Variants in ARHGEF3 observed in about 807,000 individuals in gnomAD.
The protein encoded by ARHGEF3 is Rho guanine nucleotide exchange factor 3, also known as 59.8 kDA protein.
ARHGEF3 carries 28 observed loss-of-function variants against 63.2 expected under a neutral mutation model. The observed-to-expected ratio is 0.44, with a 90% confidence interval of 0.33 to 0.61. ARHGEF3 has a LOEUF of 0.61. Ranked by LOEUF, ARHGEF3 falls within the 20% of genes least tolerant of loss-of-function variation. The pLI, the probability that ARHGEF3 is intolerant of heterozygous loss-of-function variation, is 0.03. For synonymous variants in ARHGEF3, 266 were observed against 254.2 expected (o/e 1.05, Z -0.44); for missense variants, 533 against 659.3 (o/e 0.81, Z 2.10).
intron 3 of ARHGEF3, 83 bp from the exon 4 acceptor site, chr3:56,753,649 A>G: frequency 8.3e-7 from 1 of 1,202,054 alleles, no homozygotes; most frequent in Non-Finnish European, 1.2e-6. Context: ...CCACCACTCA[A>G]AACCCCAAAT....
Position 56,814,464 on chromosome 3 carries a change from A to G in ARHGEF3, c.193-40648T>C, listed in dbSNP as rs929059915. Among the ~76,000 whole-genome samples, 7 of 152,214 alleles carry G rather than the reference A, an allele frequency of 4.6e-5. No homozygotes were observed. In the East Asian group the frequency reaches 1.3e-3, roughly 29 times the overall value. On this transcript the variant is annotated intron_variant, in intron 4 of 12. Transcript: ENST00000338458. Reference sequence around the variant, plus strand: ...AATACCAAGTTTTCACTTGCCAACTATATGACTTTGGACAGTTTACTTAAT... The same window carrying G: ...AATACCAAGTTTTCACTTGCCAACTGTATGACTTTGGACAGTTTACTTAAT...
intron 4 of ARHGEF3, among the ~76,000 whole-genome samples, chr3:56,841,462 C>A (rs1300173276): frequency 6.6e-6 from 1 of 152,182 alleles, no homozygotes; most frequent in Non-Finnish European, 1.5e-5. Flanking sequence ...ACAGCTCACA[C>A]TCCCACTTTC....
At chr3:56,843,514 G>T (rs2039385605) in intron 4 of ARHGEF3, among the ~76,000 whole-genome samples, 1 of 151,900 alleles carries the variant, frequency 6.6e-6, no homozygotes, top group Non-Finnish European at 1.5e-5. Flanking sequence ...TGATCTACCT[G>T]CCTTGGCCTC....
chr3:56,793,139 G>T (rs1242953544), intron 1 of ARHGEF3, among the ~76,000 whole-genome samples: 2 of 151,788 alleles, frequency 1.3e-5, no homozygotes, highest in Non-Finnish European at 2.9e-5. Flanking sequence ...AAGTAGCTGG[G>T]ATTACAGGCT....
intron 3 of ARHGEF3, among the ~76,000 whole-genome samples, chr3:56,909,683 C>T (rs1412870510): frequency 1.3e-5 from 2 of 152,188 alleles, no homozygotes; most frequent in Admixed American, 6.5e-5. Flanking sequence ...TAATACATGC[C>T]GGGCCTTGGG....
At chr3:56,743,779 A>T (rs941163061) in intron 7 of ARHGEF3, among the ~76,000 whole-genome samples, 3 of 152,150 alleles carry the variant, frequency 2.0e-5, no homozygotes, top group African/African-American at 7.2e-5. Flanking sequence ...AAATCAGAAA[A>T]TGAGCCCTTT....
intron 3 of ARHGEF3, among the ~76,000 whole-genome samples, chr3:56,892,429 T>C (rs1468722958): frequency 6.6e-6 from 1 of 152,160 alleles, no homozygotes; most frequent in East Asian, 1.9e-4. Flanking sequence ...TACACCAGAT[T>C]GGACTCACTG....
intron 3 of ARHGEF3, among the ~76,000 whole-genome samples, chr3:56,952,324 A>G (rs560985530): frequency 6.6e-6 from 1 of 152,304 alleles, no homozygotes; most frequent in Non-Finnish European, 1.5e-5. Flanking sequence ...CCTCCTGACA[A>G]CCACAAGGAA....
chr3:56,901,430 A>AG (rs2041503995), intron 3 of ARHGEF3, among the ~76,000 whole-genome samples: 1 of 151,904 alleles, frequency 6.6e-6, no homozygotes, highest in Non-Finnish European at 1.5e-5. Context: ...GTATATGTAC[A>AG]TATATATACA....
chr3:56,764,179 T>C (rs576158989), intron 2 of ARHGEF3, among the ~76,000 whole-genome samples: 4 of 152,162 alleles, frequency 2.6e-5, no homozygotes, highest in African/African-American at 9.7e-5. Flanking sequence ...AATGAAAAGC[T>C]GAAGAAAATA....
intron 2 of ARHGEF3, among the ~76,000 whole-genome samples, chr3:57,009,583 C>T (rs1702600467): frequency 6.6e-6 from 1 of 152,120 alleles, no homozygotes; most frequent in Admixed American, 6.6e-5. Flanking sequence ...TGGCTGCAGG[C>T]CTGCCAAGTT....
Position 56,738,918 on chromosome 3 carries a change from T to C in ARHGEF3, c.871-1563A>G, listed in dbSNP as rs2107708891. Among the ~76,000 whole-genome samples, 3 of 151,946 alleles carry C rather than the reference T, an allele frequency of 2.0e-5. No individual in the cohort carries two copies. In the South Asian group the frequency reaches 6.2e-4, roughly 32 times the overall value. On this transcript the variant is annotated intron_variant, in intron 7 of 9. Coordinates refer to ENST00000296315, the MANE Select transcript of ARHGEF3 (RefSeq NM_019555.3). ...CCAGCCTGGCCAACATGGTGAACGC[T>C]GTCTCTACTAAAAATATTAAAAAAA...
chr3:57,015,211 T>A (rs2107131962), intron 2 of ARHGEF3, among the ~76,000 whole-genome samples: 1 of 152,328 alleles, frequency 6.6e-6, no homozygotes, highest in Non-Finnish European at 1.5e-5. Flanking sequence ...AGTAGCCACC[T>A]GCAGACACAT....
upstream of ARHGEF3, among the ~76,000 whole-genome samples, chr3:56,806,745 A>G (rs558737331): frequency 6.6e-6 from 1 of 152,208 alleles, no homozygotes; most frequent in Non-Finnish European, 1.5e-5. Context: ...TCAACTCCTT[A>G]AATCCCAGTC....
intron 1 of ARHGEF3, chr3:57,073,410 C>T (rs890799001): frequency 9.5e-5 from 34 of 357,992 alleles, no homozygotes; most frequent in Admixed American, 1.7e-4. Flanking sequence ...AGTTGGGCAG[C>T]GTGGGAAGCT....
chr3:57,000,611 C>A (rs1305616535), intron 2 of ARHGEF3, among the ~76,000 whole-genome samples: 1 of 152,044 alleles, frequency 6.6e-6, no homozygotes, highest in Non-Finnish European at 1.5e-5. Context: ...CGGCTCACTG[C>A]AACCTCTGCC....
intron 4 of ARHGEF3, among the ~76,000 whole-genome samples, chr3:56,872,263 T>G (rs184583667): frequency 6.6e-6 from 1 of 152,284 alleles, no homozygotes; most frequent in Non-Finnish European, 1.5e-5. Flanking sequence ...TCCCCACAAT[T>G]CCATTCTCCC....
chr3:57,011,363 G>A (rs1307049517), intron 2 of ARHGEF3, among the ~76,000 whole-genome samples: 2 of 152,158 alleles, frequency 1.3e-5, no homozygotes, highest in Non-Finnish European at 2.9e-5. Flanking sequence ...ATCCAAGTTG[G>A]ATAGAGTTGC....
chr3:57,015,721 C>T (rs762330908), intron 2 of ARHGEF3, among the ~76,000 whole-genome samples: 14 of 151,456 alleles, frequency 9.2e-5, no homozygotes, highest in Non-Finnish European at 1.8e-4. Flanking sequence ...GGATTATAGG[C>T]GTGAGCCACT....
Sources: allele counts gnomAD v4.1 joint callset (sites outside exome capture counted in the v4.1 genomes callset), GRCh38; gene constraint gnomAD v4.1.1; transcripts MANE v1.5; gene names NCBI Gene and HGNC (gene_info 2026-07-23, HGNC 2026-07-21).